Variants in DPY19L4 observed in about 807,000 individuals in gnomAD.
The protein encoded by DPY19L4 is probable C-mannosyltransferase DPY19L4.
In DPY19L4, 97 loss-of-function variants were observed where a neutral mutation model predicts 102.8. The observed-to-expected ratio is 0.94, with a 90% confidence interval of 0.80 to 1.12. The LOEUF is 1.12. Among genes scored for constraint, DPY19L4 ranks in the 50% most tolerant of loss-of-function variants. DPY19L4 has a pLI of 0.00. For synonymous variants in DPY19L4, 252 were observed against 283.1 expected, an observed-to-expected ratio of 0.89 and a Z score of 1.10; for missense variants, 815 against 850.4, an observed-to-expected ratio of 0.96 and a Z score of 0.52.
At position 94,734,707 on chromosome 8, in the gene DPY19L4, T is replaced by G. The variant is rs184823863; in HGVS notation, c.205T>G (p.Tyr69Asp). 38 of 1,614,052 alleles carry G rather than the reference T, an allele frequency of 2.4e-5. No individual in the cohort carries two copies. The highest frequency in any genetic ancestry group is 3.1e-5 in the Non-Finnish European group (37 of 1,179,944). ...TACTAGTGGTATGATGTATGCTCTC[T>G]ACTTATCAGCATACCATGAACGGAA... ...AVTSGMMYAL[Y>D]LSAYHERKFW... Residue 69 changes from tyrosine (Y) to aspartate (D), a missense_variant, in exon 3 of 19, where the codon TAC becomes GAC. By Grantham distance (160) the Tyr-to-Asp change is radical. Transcript: ENST00000414645.
intron 6 of DPY19L4, among the ~76,000 whole-genome samples, chr8:94,742,862 C>T (rs1267444245): frequency 6.6e-6 from 1 of 151,490 alleles, no homozygotes; most frequent in East Asian, 2.0e-4. Flanking sequence ...CCGGCCAATG[C>T]CTGGCTGATT....
At chr8:94,770,776 GCTA>G (rs1812893987) in intron 13 of DPY19L4, among the ~76,000 whole-genome samples, 1 of 152,046 alleles carries the variant, frequency 6.6e-6, no homozygotes, top group Non-Finnish European at 1.5e-5. Flanking sequence ...GGGTGTGGTA[GCTA>G]CTGGGGAGGC....
At chr8:94,737,241 A>G (rs1811223283) in intron 3 of DPY19L4, among the ~76,000 whole-genome samples, 1 of 152,052 alleles carries the variant, frequency 6.6e-6, no homozygotes, top group South Asian at 2.1e-4. Flanking sequence ...GCTGCAGTGC[A>G]GTGGTGTGAT....
intron 2 of DPY19L4, among the ~76,000 whole-genome samples, chr8:94,730,827 C>G (rs1810918069): frequency 1.4e-5 from 2 of 143,642 alleles, no homozygotes; most frequent in African/African-American, 5.1e-5. Context: ...CTCACCGCAA[C>G]CTCCGCCCCC....
In DPY19L4 at chr8:94,765,703, C is replaced by T. The variant is rs1812643802; in HGVS notation, c.1003-8C>T. On this transcript the variant is annotated splice_polypyrimidine_tract_variant and splice_region_variant and intron_variant, in intron 9 of 18. Coordinates refer to ENST00000414645, the MANE Select transcript of DPY19L4 (RefSeq NM_181787.3). Reference sequence around the variant, plus strand: ...CACTTCTTTGTTCATATGATTTTTCCTCCACAGCTGAATGTGAAGAAAGGA... The same window carrying T: ...CACTTCTTTGTTCATATGATTTTTCTTCCACAGCTGAATGTGAAGAAAGGA... 3 of 1,574,616 alleles carry T rather than the reference C, an allele frequency of 1.9e-6. No individual in the cohort carries two copies. Among genetic ancestry groups the T allele is most frequent in the African/African-American group, 1.4e-5 (1 of 73,310 alleles).
rs187742756 is a variant in DPY19L4 at position 94,747,249 on chromosome 8, C to T, written c.611+7459C>T. Among the ~76,000 whole-genome samples the T allele has an allele frequency of 2.9e-4, 44 of 152,148 alleles. No homozygotes were observed. In the East Asian group the frequency reaches 7.2e-3, roughly 25 times the overall value. On this transcript the variant is annotated intron_variant, in intron 6 of 18. Transcript: ENST00000414645. ...GCTTTTTTTAGTAAAGGTGGGGTCT[C>T]GCCATGCTGCCCAGGCTGGTCTCGA...
At chr8:94,741,284 T>C (rs900515944) in intron 6 of DPY19L4, among the ~76,000 whole-genome samples, 5 of 152,168 alleles carry the variant, frequency 3.3e-5, no homozygotes, top group Non-Finnish European at 5.9e-5. Flanking sequence ...CTGTGTGGCG[T>C]TTTTTAGCAC....
At chr8:94,751,011 C>T (rs1160309185) in intron 6 of DPY19L4, among the ~76,000 whole-genome samples, 1 of 152,026 alleles carries the variant, frequency 6.6e-6, no homozygotes, top group Non-Finnish European at 1.5e-5. Context: ...AAACTCCTGA[C>T]CTCAAGTGAT....
At chr8:94,747,073 T>G (rs1394326058) in intron 6 of DPY19L4, among the ~76,000 whole-genome samples, 1 of 151,828 alleles carries the variant, frequency 6.6e-6, no homozygotes, top group South Asian at 2.1e-4. Flanking sequence ...TTGTTTCGGG[T>G]TTTTTGAGAC....
In DPY19L4 at chr8:94,788,095, A is replaced by ATATATATATATATATATATATTTTTT. The variant is rs778540423; in HGVS notation, c.2007+44_2007+45insATATATATATATATATATATTTTTTT. On this transcript the variant is annotated intron_variant, in intron 18 of 18. Coordinates refer to ENST00000414645, the MANE Select transcript of DPY19L4 (RefSeq NM_181787.3). The stretch of plus-strand genomic sequence containing the variant: ...AAGTTATATATATGTATATATATAT[A>ATATATATATATATATATATATTTTTT]TTTTTTTTTTAGAAAAATGACTTTA... The ATATATATATATATATATATATTTTTT allele has an allele frequency of 1.3e-4, 119 of 939,236 alleles. 1 individual carries two copies. In the African/African-American group the frequency reaches 2.6e-3, roughly 21 times the overall value. 58.2% of individuals were successfully genotyped at this position (939,236 alleles called of 1,614,324 possible).
intron 6 of DPY19L4, 92 bp downstream of exon 6, chr8:94,739,882 C>A: frequency 1.4e-6 from 2 of 1,443,386 alleles, no homozygotes; most frequent in South Asian, 1.2e-5. Context: ...ACAGTCCTCA[C>A]TCTAATCCTC....
At chr8:94,739,843 C>CA in intron 6 of DPY19L4, 53 bp downstream of exon 6, 1 of 1,588,802 alleles carries the variant, frequency 6.3e-7, no homozygotes, top group Non-Finnish European at 8.5e-7. Flanking sequence ...CTGTAGTAGT[C>CA]AGAGTTCTGA....
intron 6 of DPY19L4, among the ~76,000 whole-genome samples, chr8:94,745,842 C>T (rs950342707): frequency 4.5e-4 from 68 of 152,114 alleles, no homozygotes; most frequent in African/African-American, 1.5e-3. Context: ...GCAACCTCTG[C>T]CTCCCAGGTT....
At chr8:94,771,542 A>G (rs1463231576) in intron 13 of DPY19L4, among the ~76,000 whole-genome samples, 1 of 152,244 alleles carries the variant, frequency 6.6e-6, no homozygotes, top group Non-Finnish European at 1.5e-5. Flanking sequence ...TAAGTGAAGG[A>G]GATGTACATG....
At chr8:94,776,611 T>TTTG (rs374472397) in intron 13 of DPY19L4, among the ~76,000 whole-genome samples, 1 of 151,886 alleles carries the variant, frequency 6.6e-6, no homozygotes. Flanking sequence ...AGAAGTTTTT[T>TTTG]TTGTTGTTGT....
Position 94,777,285 on chromosome 8 carries a change from C to G in DPY19L4, c.1455-381C>G, listed in dbSNP as rs540965542. On this transcript the variant is annotated intron_variant, in intron 13 of 18. Transcript: ENST00000414645. ...TTTCACTGTGTTGCCCAGGCTGGTC[C>G]CAAACTCCTGGCCTCAAGTGATCCA... Among the ~76,000 whole-genome samples, 5 of 151,706 alleles carry G rather than the reference C, an allele frequency of 3.3e-5. No homozygotes were observed. The South Asian group carries it at 1.0e-3, about 32-fold the overall frequency.
rs1813904180 is a variant in DPY19L4 at position 94,792,109 on chromosome 8, A to G, written c.*2199A>G. 6.6e-6 allele frequency: 1 copy of G among 152,228 alleles called. No homozygotes were observed. Among genetic ancestry groups the G allele is most frequent in the Non-Finnish European group, 1.5e-5 (1 of 68,038 alleles). The allele number at this position is 152,228 out of a possible 1,614,324, so 9.4% of individuals were successfully genotyped here. On this transcript the variant is annotated 3_prime_UTR_variant, in exon 19 of 19. Coordinates refer to ENST00000414645, the MANE Select transcript of DPY19L4 (RefSeq NM_181787.3). ...TTGTTAGGTTTGACAATAAAGATCT[A>G]CTATGAGAGGAGAAGAATTTATGGG...
intron 8 of DPY19L4, among the ~76,000 whole-genome samples, chr8:94,763,422 C>A (rs1475799444): frequency 6.6e-6 from 1 of 151,806 alleles, no homozygotes; most frequent in African/African-American, 2.4e-5. Flanking sequence ...CTCACTGCAA[C>A]CTCCGCCTCC....
intron 8 of DPY19L4, among the ~76,000 whole-genome samples, chr8:94,763,803 C>T (rs1046552975): frequency 1.3e-5 from 2 of 152,084 alleles, no homozygotes; most frequent in African/African-American, 2.4e-5. Flanking sequence ...AGGGGGATTA[C>T]AGGCGTGAGC....
Sources: allele counts gnomAD v4.1 joint callset (sites outside exome capture counted in the v4.1 genomes callset), GRCh38; gene constraint gnomAD v4.1.1; transcripts MANE v1.5; gene names NCBI Gene and HGNC (gene_info 2026-07-23, HGNC 2026-07-21).